Variants in KCTD8 observed in about 807,000 individuals in gnomAD.
The protein encoded by KCTD8 is BTB/POZ domain-containing protein KCTD8.
A neutral mutation model predicts 31.5 loss-of-function variants in KCTD8; 27 were observed. The ratio of observed to expected loss-of-function variants is 0.86; its 90% CI spans 0.63 to 1.18. The LOEUF (loss-of-function observed/expected upper bound fraction) is 1.18. Among genes scored for constraint, KCTD8 ranks in the 50% most tolerant of loss-of-function variants. The pLI is 0.00. For missense variants in KCTD8, 658 were observed against 647.7 expected (o/e 1.02, Z -0.17); for synonymous variants, 290 against 280.0 (o/e 1.04, Z -0.36).
intron 1 of KCTD8, among the ~76,000 whole-genome samples, chr4:44,403,100 A>G (rs1216230811): frequency 2.2e-4 from 33 of 152,168 alleles, no homozygotes. Context: ...TCATCAACAC[A>G]TGATCAAAAC....
intron 1 of KCTD8, among the ~76,000 whole-genome samples, chr4:44,206,931 A>T (rs1369820906): frequency 6.6e-6 from 1 of 152,216 alleles, no homozygotes. Context: ...GTTAGAAAAT[A>T]AAAAAATAAC....
intron 1 of KCTD8, among the ~76,000 whole-genome samples, chr4:44,367,744 T>A (rs1490069516): frequency 6.6e-6 from 1 of 152,124 alleles, no homozygotes; most frequent in Non-Finnish European, 1.5e-5. Context: ...TTTTTAAATA[T>A]CTTTCCAGCT....
intron 1 of KCTD8, among the ~76,000 whole-genome samples, chr4:44,277,222 A>G (rs1363282637): frequency 6.6e-6 from 1 of 151,920 alleles, no homozygotes; most frequent in African/African-American, 2.4e-5. Flanking sequence ...AAAGAAGATT[A>G]TAGTAAAAAT....
chr4:44,226,110 G>A (rs1714954607), intron 1 of KCTD8, among the ~76,000 whole-genome samples: 1 of 152,130 alleles, frequency 6.6e-6, no homozygotes, highest in African/African-American at 2.4e-5. Context: ...TTACAGGCGT[G>A]AGCCACTGCG....
At chr4:44,404,430 A>G (rs1028534713) in intron 1 of KCTD8, among the ~76,000 whole-genome samples, 1 of 152,200 alleles carries the variant, frequency 6.6e-6, no homozygotes, top group African/African-American at 2.4e-5. Flanking sequence ...TAATGGTATC[A>G]ACAATATCAC....
intron 1 of KCTD8, among the ~76,000 whole-genome samples, chr4:44,265,605 A>G (rs1366910479): frequency 6.6e-6 from 1 of 152,218 alleles, no homozygotes; most frequent in African/African-American, 2.4e-5. Context: ...GAGCTACAGG[A>G]GGAAATTCAA....
chr4:44,215,373 T>C (rs1714619136), intron 1 of KCTD8, among the ~76,000 whole-genome samples: 1 of 152,164 alleles, frequency 6.6e-6, no homozygotes, highest in African/African-American at 2.4e-5. Context: ...CAATTCTAAA[T>C]AAAATTTATA....
At chr4:44,250,486 G>A (rs1577575187) in intron 1 of KCTD8, among the ~76,000 whole-genome samples, 1 of 151,738 alleles carries the variant, frequency 6.6e-6, no homozygotes, top group East Asian at 1.9e-4. Context: ...AGGTGAAAGA[G>A]CAGACCCAAA....
chr4:44,227,164 T>C (rs1714989977), intron 1 of KCTD8, among the ~76,000 whole-genome samples: 1 of 152,210 alleles, frequency 6.6e-6, no homozygotes, highest in Non-Finnish European at 1.5e-5. Flanking sequence ...AGGGGTTTTA[T>C]GGTTTTAGGT....
At chr4:44,281,509 T>C (rs1716905246) in intron 1 of KCTD8, among the ~76,000 whole-genome samples, 1 of 152,136 alleles carries the variant, frequency 6.6e-6, no homozygotes, top group Non-Finnish European at 1.5e-5. Flanking sequence ...TGTACACTCA[T>C]TAAATACTGG....
chr4:44,343,086 C>A (rs1293297404), intron 1 of KCTD8, among the ~76,000 whole-genome samples: 2 of 152,198 alleles, frequency 1.3e-5, no homozygotes, highest in Non-Finnish European at 2.9e-5. Context: ...TTTTGCTTTT[C>A]CACTCACAAA....
chr4:44,236,224 T>C (rs559104840), intron 1 of KCTD8, among the ~76,000 whole-genome samples: 28 of 152,260 alleles, frequency 1.8e-4, no homozygotes, highest in Non-Finnish European at 1.0e-4. Context: ...CCAATATCTT[T>C]TGGTGTCTTC....
chr4:44,388,419 G>A (rs1414348873), intron 1 of KCTD8, among the ~76,000 whole-genome samples: 2 of 151,922 alleles, frequency 1.3e-5, no homozygotes, highest in Non-Finnish European at 2.9e-5. Context: ...GTTCACTGCA[G>A]TACTATTTAC....
At chr4:44,316,821 A>AG (rs1718130016) in intron 1 of KCTD8, among the ~76,000 whole-genome samples, 3 of 145,932 alleles carry the variant, frequency 2.1e-5, no homozygotes, top group African/African-American at 5.2e-5. Flanking sequence ...AAAAAAAAAA[A>AG]AAGAAGATAA....
At chr4:44,227,657 T>C (rs190216578) in intron 1 of KCTD8, among the ~76,000 whole-genome samples, 70 of 152,272 alleles carry the variant, frequency 4.6e-4, no homozygotes, top group Non-Finnish European at 2.1e-4. Flanking sequence ...TGGAGATAAA[T>C]AATTTAGAAC....
intron 1 of KCTD8, among the ~76,000 whole-genome samples, chr4:44,386,122 G>A (rs75674858): frequency 0.075 from 11,300 of 151,508 alleles, 538 homozygotes; most frequent in East Asian, 0.19. Context: ...GCTCAGTGGC[G>A]ATGGAAAACA....
intron 1 of KCTD8, among the ~76,000 whole-genome samples, chr4:44,247,588 G>A (rs1020313207): frequency 1.3e-5 from 2 of 151,882 alleles, no homozygotes; most frequent in African/African-American, 4.8e-5. Context: ...TTGTATAACT[G>A]AAACAGTGTA....
At chr4:44,371,196 T>C (rs529173154) in intron 1 of KCTD8, among the ~76,000 whole-genome samples, 1 of 152,316 alleles carries the variant, frequency 6.6e-6, no homozygotes, top group African/African-American at 2.4e-5. Flanking sequence ...GTTGTAATCA[T>C]GCAGTCAATG....
chr4:44,265,011 C>T (rs928076255), intron 1 of KCTD8, among the ~76,000 whole-genome samples: 1 of 152,176 alleles, frequency 6.6e-6, no homozygotes, highest in African/African-American at 2.4e-5. Context: ...ATTTAAATGT[C>T]CCTGTCTGAC....
Sources: allele counts gnomAD v4.1 joint callset (sites outside exome capture counted in the v4.1 genomes callset), GRCh38; gene constraint gnomAD v4.1.1; transcripts MANE v1.5; gene names NCBI Gene and HGNC (gene_info 2026-07-23, HGNC 2026-07-21).